The following SASH3 variants were observed in gnomAD, a reference collection of about 807,000 sequenced individuals.
The protein encoded by SASH3 is SAM and SH3 domain-containing protein 3.
Under a neutral mutation model 26.1 loss-of-function variants are expected in SASH3, and 7 were observed. That is an observed-to-expected ratio of 0.27 (90% CI 0.15 to 0.50). SASH3 has a LOEUF of 0.50. SASH3 is among the 20% of genes least tolerant of loss of function. SASH3 has a pLI of 0.98. For synonymous variants in SASH3, 138 were observed against 136.8 expected (o/e 1.01, Z -0.06); for missense variants, 231 against 318.3 (o/e 0.73, Z 2.09).
intron 1 of SASH3, among the ~76,000 whole-genome samples, chrX:129,783,123 C>T (rs766469310): frequency 1.8e-5 from 2 of 111,675 alleles, no homozygotes; most frequent in Admixed American, 9.5e-5. Context: ...TCAGTGGCTC[C>T]TCACTGCCCA....
chrX:129,788,137 G>GGGGGGGGGC (rs2124077348), intron 2 of SASH3, 67 bp downstream of exon 2: 9 of 354,264 alleles, frequency 2.5e-5, no homozygotes, highest in East Asian at 6.3e-5. Flanking sequence ...GGGTGGGAGG[G>GGGGGGGGGC]AAGAGGGTGA....
chrX:129,782,254 G>A (rs1220608070), intron 1 of SASH3, among the ~76,000 whole-genome samples: 3 of 112,203 alleles, frequency 2.7e-5, no homozygotes, highest in African/African-American at 9.7e-5. Context: ...CAAAAGAATA[G>A]ATGTGAGAGT....
chrX:129,792,745 T>C lies in SASH3; in HGVS notation c.710T>C (p.Val237Ala), dbSNP rs1407680518. 2 of 1,210,123 alleles carry C rather than the reference T, an allele frequency of 1.7e-6. No homozygotes were observed. The highest frequency in any genetic ancestry group is 3.5e-5 in the South Asian group (2 of 56,902). ...IYVDVLPEEAVGHARPSRRQS... is the reference protein window; with the variant it reads ...IYVDVLPEEAAGHARPSRRQS... ...GTGGATGTGCTGCCCGAGGAGGCCGTGGGGCATGCCCGCCCCAGCCGCCGA... is the reference window on the plus strand; with the variant it reads ...GTGGATGTGCTGCCCGAGGAGGCCGCGGGGCATGCCCGCCCCAGCCGCCGA... The change falls in exon 6 of 8, where the codon GTG becomes GCG. Residue 237 changes from valine (V) to alanine (A), a missense_variant. By Grantham distance (64) the Val-to-Ala change is moderately conservative. Coordinates refer to ENST00000356892, the MANE Select transcript of SASH3 (RefSeq NM_018990.4).
chrX:129,782,770 C>T (rs1927040839), intron 1 of SASH3, among the ~76,000 whole-genome samples: 1 of 112,100 alleles, frequency 8.9e-6, no homozygotes, highest in Non-Finnish European at 1.9e-5. Flanking sequence ...ACCTTCCAGC[C>T]AGCAGAGCAG....
intron 2 of SASH3, 63 bp downstream of exon 2, chrX:129,788,133 G>GGGGGA: frequency 3.2e-6 from 1 of 312,629 alleles, no homozygotes; most frequent in Non-Finnish European, 6.2e-6. Context: ...GTGGGGGTGG[G>GGGGGA]AGGGAAGAGG....
Position 129,793,923 on chromosome X carries a change from C to T in SASH3, c.*91C>T. 2.4e-5 allele frequency: 21 copies of T among 877,125 alleles called. No homozygotes were observed. Among genetic ancestry groups the T allele is most frequent in the Non-Finnish European group, 3.2e-5 (20 of 627,155 alleles). 72.3% of individuals were successfully genotyped at this position (877,125 alleles called of 1,213,427 possible). ...CCCGTGGTGGCCCAGGTCCTGAGGA[C>T]TGGCACTGAGCCTGGCCCTGCTTCC... is the stretch of plus-strand genomic sequence containing the variant. On this transcript the variant is annotated 3_prime_UTR_variant, in exon 8 of 8. Transcript: ENST00000356892.
chrX:129,792,210 G>A, intron 4 of SASH3, 118 bp from the exon 5 acceptor site: 1 of 849,300 alleles, frequency 1.2e-6, no homozygotes, highest in Non-Finnish European at 1.7e-6. Context: ...GAGCCCAGCT[G>A]CCTTCCCGGT....
chrX:129,781,925 A>G (rs1280256213), intron 1 of SASH3, among the ~76,000 whole-genome samples: 3 of 112,751 alleles, frequency 2.7e-5, no homozygotes, highest in African/African-American at 9.7e-5. Flanking sequence ...CAGAAGGTAC[A>G]GAGCATCTTC....
At chrX:129,786,155 A>G (rs1927102741) in intron 1 of SASH3, among the ~76,000 whole-genome samples, 2 of 110,468 alleles carry the variant, frequency 1.8e-5, no homozygotes. Flanking sequence ...GCTTTCTGAC[A>G]GAGGCTGCAG....
At chrX:129,780,542 G>A (rs1030177514) in intron 1 of SASH3, among the ~76,000 whole-genome samples, 1 of 112,641 alleles carries the variant, frequency 8.9e-6, no homozygotes. Context: ...TGCCACTTCT[G>A]CCCCGGCCAC....
chrX:129,788,193 G>T, intron 2 of SASH3, 123 bp downstream of exon 2: 1 of 580,584 alleles, frequency 1.7e-6, no homozygotes, highest in Non-Finnish European at 2.7e-6. Context: ...AACACAGAGG[G>T]TCCACCTCTC....
chrX:129,788,137 G>GGGGTGGGC, intron 2 of SASH3, 67 bp downstream of exon 2: 12 of 354,240 alleles, frequency 3.4e-5, no homozygotes, highest in East Asian at 6.3e-5. Flanking sequence ...GGGTGGGAGG[G>GGGGTGGGC]AAGAGGGTGA....
intron 4 of SASH3, among the ~76,000 whole-genome samples, chrX:129,791,529 AAG>A (rs1927231707): frequency 8.9e-6 from 1 of 112,142 alleles, no homozygotes; most frequent in Admixed American, 9.4e-5. Context: ...TCCAGCTGTG[AAG>A]AGTCAGCCTC....
At chrX:129,789,633 G>A (rs889118686) in intron 3 of SASH3, among the ~76,000 whole-genome samples, 6 of 110,127 alleles carry the variant, frequency 5.4e-5, no homozygotes, top group East Asian at 2.8e-4. Flanking sequence ...GCAAAACTCC[G>A]TCTCAAAAAA....
Position 129,794,853 on chromosome X carries a change from A to C in SASH3, c.*1021A>C, listed in dbSNP as rs1172458991. ...GCCACTTGTGTGGGTCCTCACAAGC[A>C]AAGAGAGCACTAAACTTGACATTGG... On this transcript the variant is annotated 3_prime_UTR_variant, in exon 8 of 8. Coordinates refer to ENST00000356892, the MANE Select transcript of SASH3 (RefSeq NM_018990.4). 9.0e-6 allele frequency: 1 copy of C among 111,575 alleles called. No homozygotes were observed. Among genetic ancestry groups the C allele is most frequent in the Non-Finnish European group, 1.9e-5 (1 of 53,091 alleles). The allele number at this position is 111,575 out of a possible 1,213,427, so 9.2% of individuals were successfully genotyped here.
At chrX:129,782,474 C>T (rs763617360) in intron 1 of SASH3, among the ~76,000 whole-genome samples, 1 of 112,217 alleles carries the variant, frequency 8.9e-6, no homozygotes, top group South Asian at 3.7e-4. Context: ...TTGTTCACTC[C>T]CCACGACAAC....
chrX:129,790,931 T>A lies in SASH3; in HGVS notation c.301-9T>A. 1 of 1,208,928 alleles carries A rather than the reference T, an allele frequency of 8.3e-7. No individual in the cohort carries two copies. The highest frequency in any genetic ancestry group is 3.0e-5 in the East Asian group (1 of 33,738). On this transcript the variant is annotated splice_polypyrimidine_tract_variant and intron_variant, in intron 3 of 7. Transcript: ENST00000356892. ...GCTCCTTAAAGCTTCCCGCCTACCC[T>A]CCCTGCAGGCAGACACTCTGGAGGA...
intron 2 of SASH3, 179 bp from the exon 3 acceptor site, chrX:129,788,252 C>G: frequency 3.7e-6 from 2 of 537,811 alleles, no homozygotes; most frequent in Non-Finnish European, 6.0e-6. Flanking sequence ...CATTAAATAG[C>G]AAACTATTTA....
At position 129,795,055 on chromosome X, in the gene SASH3, A is replaced by G. The variant is rs781690385; in HGVS notation, c.*1223A>G. 1 of 111,277 alleles carries G rather than the reference A, an allele frequency of 9.0e-6. No individual in the cohort carries two copies. Among genetic ancestry groups the G allele is most frequent in the Admixed American group, 9.6e-5 (1 of 10,434 alleles). The allele number at this position is 111,277 out of a possible 1,213,427, so 9.2% of individuals were successfully genotyped here. Reference sequence around the variant, plus strand: ...GGCCTGGGGACAAACAGCGTCCACTACATCTAGGACTGCCGGCTAAGTGGA... The same window carrying G: ...GGCCTGGGGACAAACAGCGTCCACTGCATCTAGGACTGCCGGCTAAGTGGA... On this transcript the variant is annotated 3_prime_UTR_variant, in exon 8 of 8. Transcript: ENST00000356892.
Sources: gnomAD v4.1 joint callset for allele counts (sites outside exome capture counted in the v4.1 genomes callset) on GRCh38, gnomAD v4.1.1 for gene constraint, MANE v1.5 for transcripts, NCBI Gene and HGNC (gene_info 2026-07-23, HGNC 2026-07-21) for gene names.